Variants in GRM3 observed in about 807,000 individuals in gnomAD.
The protein encoded by GRM3 is glutamate metabotropic receptor 3.
In GRM3, 26 loss-of-function variants were observed where a neutral mutation model predicts 70.5. The ratio of observed to expected loss-of-function variants is 0.37; its 90% CI spans 0.27 to 0.51. GRM3 has a LOEUF of 0.51. Ranked by LOEUF, GRM3 falls within the 20% of genes least tolerant of loss-of-function variation. The pLI, the probability that GRM3 is intolerant of heterozygous loss-of-function variation, is 0.93. For synonymous variants in GRM3, 443 were observed against 434.9 expected (o/e 1.02, Z -0.23); for missense variants, 859 against 1,123.8 (o/e 0.76, Z 3.37).
At chr7:86,798,020 T>C (rs1214636813) in intron 3 of GRM3, among the ~76,000 whole-genome samples, 2 of 152,180 alleles carry the variant, frequency 1.3e-5, no homozygotes, top group Non-Finnish European at 2.9e-5. Context: ...TAATTGAGGT[T>C]TGGGAACCTC....
At chr7:86,739,895 T>C (rs1313255032) in intron 1 of GRM3, among the ~76,000 whole-genome samples, 2 of 152,216 alleles carry the variant, frequency 1.3e-5, no homozygotes, top group African/African-American at 4.8e-5. Flanking sequence ...ATCCTCATTT[T>C]TTCCTTCAGT....
chr7:86,683,685 T>C (rs532231245), intron 1 of GRM3, among the ~76,000 whole-genome samples: 47 of 152,234 alleles, frequency 3.1e-4, no homozygotes, highest in African/African-American at 1.1e-3. Context: ...ATGCCAGACA[T>C]GGTGGGGACC....
chr7:86,815,845 C>A (rs1453807660), intron 3 of GRM3, among the ~76,000 whole-genome samples: 2 of 151,790 alleles, frequency 1.3e-5, no homozygotes, highest in African/African-American at 2.4e-5. Flanking sequence ...ATCTCTTAGT[C>A]TATCCTACTG....
intron 1 of GRM3, among the ~76,000 whole-genome samples, chr7:86,732,221 G>A (rs1326322360): frequency 6.6e-6 from 1 of 152,128 alleles, no homozygotes; most frequent in Admixed American, 6.6e-5. Flanking sequence ...GTTTCTGACT[G>A]TAAAAAGCAT....
chr7:86,815,792 T>C (rs952164398), intron 3 of GRM3, among the ~76,000 whole-genome samples: 2 of 152,062 alleles, frequency 1.3e-5, no homozygotes, highest in South Asian at 4.1e-4. Context: ...CCTTGTTTTA[T>C]GTCTCTTTAT....
At chr7:86,667,024 G>A (rs1363987712) in intron 1 of GRM3, among the ~76,000 whole-genome samples, 2 of 152,108 alleles carry the variant, frequency 1.3e-5, no homozygotes, top group Non-Finnish European at 2.9e-5. Context: ...CTTTCTGGAA[G>A]TTTGATCTCA....
chr7:86,701,879 T>TAAAG (rs1419811530), intron 1 of GRM3, among the ~76,000 whole-genome samples: 1 of 151,912 alleles, frequency 6.6e-6, no homozygotes, highest in African/African-American at 2.4e-5. Flanking sequence ...TGCATATGAT[T>TAAAG]GTCACATCAG....
chr7:86,646,020 A>T (rs906770815), intron 1 of GRM3, among the ~76,000 whole-genome samples: 1 of 4,826 alleles, frequency 2.1e-4, no homozygotes, highest in Non-Finnish European at 4.2e-4. Context: ...GGGGGGTGGG[A>T]GGGAGTTTAG....
chr7:86,753,443 T>G (rs1796275980), intron 1 of GRM3, among the ~76,000 whole-genome samples: 1 of 152,130 alleles, frequency 6.6e-6, no homozygotes, highest in Non-Finnish European at 1.5e-5. Flanking sequence ...AATGTTTTTT[T>G]AACATGTCCC....
chr7:86,770,736 C>T, intron 2 of GRM3, among the ~76,000 whole-genome samples: 1 of 152,048 alleles, frequency 6.6e-6, no homozygotes, highest in Non-Finnish European at 1.5e-5. Flanking sequence ...CTTATAGGAG[C>T]ATAGGAAAAA....
At chr7:86,808,843 G>A (rs1797851418) in intron 3 of GRM3, among the ~76,000 whole-genome samples, 1 of 152,054 alleles carries the variant, frequency 6.6e-6, no homozygotes, top group Non-Finnish European at 1.5e-5. Flanking sequence ...GGGAAGCAAA[G>A]AGACCAGTGT....
chr7:86,742,855 A>C (rs1796019245), intron 1 of GRM3, among the ~76,000 whole-genome samples: 1 of 152,120 alleles, frequency 6.6e-6, no homozygotes, highest in Non-Finnish European at 1.5e-5. Flanking sequence ...TATAGTTATA[A>C]ATTTTAGAAC....
chr7:86,770,642 T>C (rs1234466310), intron 2 of GRM3, among the ~76,000 whole-genome samples: 1 of 152,152 alleles, frequency 6.6e-6, no homozygotes, highest in Non-Finnish European at 1.5e-5. Context: ...TCAATTTGTA[T>C]TAAGCATTGG....
At chr7:86,845,191 C>T (rs183607661) in intron 4 of GRM3, among the ~76,000 whole-genome samples, 4 of 152,148 alleles carry the variant, frequency 2.6e-5, no homozygotes, top group South Asian at 2.1e-4. Flanking sequence ...CACCCAGCCT[C>T]GTCCTGATTT....
chr7:86,660,523 G>C (rs1043465106), intron 1 of GRM3, among the ~76,000 whole-genome samples: 4 of 151,910 alleles, frequency 2.6e-5, no homozygotes, highest in Non-Finnish European at 5.9e-5. Context: ...TTGATAATTT[G>C]GTTTTAAATA....
intron 3 of GRM3, among the ~76,000 whole-genome samples, chr7:86,836,849 G>T (rs1394392163): frequency 6.6e-6 from 1 of 152,142 alleles, no homozygotes; most frequent in Non-Finnish European, 1.5e-5. Flanking sequence ...AACAGAGTCA[G>T]AAAGGTCCTT....
chr7:86,702,381 C>T (rs192306700), intron 1 of GRM3, among the ~76,000 whole-genome samples: 28 of 152,094 alleles, frequency 1.8e-4, no homozygotes, highest in South Asian at 1.7e-3. Flanking sequence ...TGTTCTTAAG[C>T]CAGGCTTTCC....
chr7:86,753,514 C>T (rs768037197), intron 1 of GRM3, among the ~76,000 whole-genome samples: 2 of 152,018 alleles, frequency 1.3e-5, no homozygotes, highest in African/African-American at 4.8e-5. Flanking sequence ...TGCATACACA[C>T]CAAAATATCT....
intron 4 of GRM3, among the ~76,000 whole-genome samples, chr7:86,849,362 G>A (rs957730962): frequency 2.0e-5 from 3 of 152,052 alleles, no homozygotes; most frequent in African/African-American, 7.2e-5. Context: ...TGACGAGGAT[G>A]GATTATGCTT....
Sources: gnomAD v4.1 joint callset for allele counts (sites outside exome capture counted in the v4.1 genomes callset) on GRCh38, gnomAD v4.1.1 for gene constraint, MANE v1.5 for transcripts, NCBI Gene and HGNC (gene_info 2026-07-23, HGNC 2026-07-21) for gene names.